KCNIP4: variants seen among roughly 807,000 people sequenced by gnomAD.
KCNIP4 encodes potassium voltage-gated channel interacting protein 4.
KCNIP4 carries 12 observed loss-of-function variants against 34.0 expected under a neutral mutation model. The observed-to-expected ratio is 0.35, with a 90% confidence interval of 0.23 to 0.57. KCNIP4 has a LOEUF of 0.57. Among genes scored for constraint, KCNIP4 ranks in the 20% least tolerant of loss-of-function variants. KCNIP4 has a pLI of 0.83. For missense variants in KCNIP4, 238 were observed against 311.7 expected (o/e 0.76, Z 1.78); for synonymous variants, 124 against 102.2 (o/e 1.21, Z -1.29).
intron 1 of KCNIP4, among the ~76,000 whole-genome samples, chr4:21,457,042 TCAG>T (rs1475741883): frequency 6.6e-6 from 1 of 152,014 alleles, no homozygotes; most frequent in Non-Finnish European, 1.5e-5. Context: ...CATATCCTCT[TCAG>T]TTGTGGAAAA....
intron 1 of KCNIP4, among the ~76,000 whole-genome samples, chr4:21,854,697 C>T (rs1724640490): frequency 6.6e-6 from 1 of 152,104 alleles, no homozygotes; most frequent in Non-Finnish European, 1.5e-5. Flanking sequence ...GAATTGACTC[C>T]TAAACCATAT....
intron 1 of KCNIP4, among the ~76,000 whole-genome samples, chr4:21,247,271 T>G (rs993855625): frequency 1.1e-4 from 17 of 152,080 alleles, no homozygotes; most frequent in Non-Finnish European, 2.9e-5. Flanking sequence ...ACTGTACATT[T>G]CTCATTGCTT....
chr4:21,852,084 T>C (rs914101354), intron 1 of KCNIP4: 24 of 152,000 alleles, frequency 1.6e-4, no homozygotes, highest in Admixed American at 1.4e-3. Flanking sequence ...TTCTGGGAGA[T>C]AATTTTCTAG....
chr4:21,757,173 AGGAAGGAAGGAAGGAAGGAAGG>A (rs1717651738), intron 1 of KCNIP4, among the ~76,000 whole-genome samples: 4 of 31,932 alleles, frequency 1.3e-4, no homozygotes, highest in Non-Finnish European at 1.8e-4. Context: ...GAAAGAAGGA[AGGAAGGAAGGAAGGAAGGAAGG>A]AAGGAAAGAA....
chr4:20,914,812 A>G (rs896140556), intron 1 of KCNIP4, among the ~76,000 whole-genome samples: 4 of 152,144 alleles, frequency 2.6e-5, no homozygotes, highest in Admixed American at 2.6e-4. Context: ...AACGATCCGA[A>G]CCCTAATTAG....
intron 1 of KCNIP4, among the ~76,000 whole-genome samples, chr4:21,462,614 T>C (rs1729556299): frequency 6.6e-6 from 1 of 152,118 alleles, no homozygotes; most frequent in South Asian, 2.1e-4. Context: ...ATCAGTGAGA[T>C]CAACGACTTT....
chr4:21,108,580 A>C (rs967685932), intron 1 of KCNIP4, among the ~76,000 whole-genome samples: 15 of 151,588 alleles, frequency 9.9e-5, no homozygotes, highest in African/African-American at 3.7e-4. Flanking sequence ...GATCATCTGA[A>C]GCCATCTTCT....
chr4:21,810,697 A>G, intron 1 of KCNIP4, among the ~76,000 whole-genome samples: 1 of 21,294 alleles, frequency 4.7e-5, no homozygotes, highest in African/African-American at 1.4e-4. Context: ...CTCAAAAAAA[A>G]AAAAAAAAAA....
chr4:20,870,423 C>T (rs1404845958), intron 2 of KCNIP4, among the ~76,000 whole-genome samples: 1 of 152,142 alleles, frequency 6.6e-6, no homozygotes, highest in African/African-American at 2.4e-5. Context: ...GCTTCCTTTA[C>T]AGCCTGTGCA....
chr4:20,802,587 G>T (rs1351830064), intron 3 of KCNIP4, among the ~76,000 whole-genome samples: 1 of 152,018 alleles, frequency 6.6e-6, no homozygotes, highest in Admixed American at 6.5e-5. Flanking sequence ...CTCCAAGATA[G>T]ACCATATTTT....
intron 3 of KCNIP4, among the ~76,000 whole-genome samples, chr4:20,820,569 C>G (rs1716978452): frequency 6.6e-6 from 1 of 152,128 alleles, no homozygotes; most frequent in African/African-American, 2.4e-5. Flanking sequence ...GAGGGAACAC[C>G]AGGGTGTGAT....
intron 1 of KCNIP4, among the ~76,000 whole-genome samples, chr4:21,238,426 G>C (rs1018498221): frequency 5.9e-5 from 9 of 152,198 alleles, no homozygotes; most frequent in African/African-American, 1.9e-4. Context: ...ATTAGGAAAA[G>C]AGGAAGTCAA....
chr4:20,900,436 G>C (rs555574868), intron 1 of KCNIP4, among the ~76,000 whole-genome samples: 1 of 152,286 alleles, frequency 6.6e-6, no homozygotes, highest in African/African-American at 2.4e-5. Context: ...CACGCACAAG[G>C]CCTAGCATTG....
chr4:21,884,357 G>A (rs1726638055), intron 1 of KCNIP4, among the ~76,000 whole-genome samples: 1 of 151,982 alleles, frequency 6.6e-6, no homozygotes, highest in South Asian at 2.1e-4. Flanking sequence ...AACCTCAGGA[G>A]GAGCACTTCC....
chr4:21,432,874 T>A (rs1363793016), intron 1 of KCNIP4, among the ~76,000 whole-genome samples: 1 of 152,176 alleles, frequency 6.6e-6, no homozygotes, highest in Non-Finnish European at 1.5e-5. Context: ...AGGCTGATTT[T>A]TTTTTTAGTA....
intron 1 of KCNIP4, among the ~76,000 whole-genome samples, chr4:21,395,585 G>C (rs183209406): frequency 3.3e-5 from 5 of 152,106 alleles, no homozygotes; most frequent in Admixed American, 2.6e-4. Context: ...ACAGACCTCA[G>C]AGAGCAAACT....
chr4:21,701,053 T>C (rs1039321092), intron 1 of KCNIP4, among the ~76,000 whole-genome samples: 4 of 152,164 alleles, frequency 2.6e-5, no homozygotes, highest in Admixed American at 6.6e-5. Flanking sequence ...TATATACACA[T>C]TGGAATAATA....
intron 1 of KCNIP4, among the ~76,000 whole-genome samples, chr4:21,691,299 C>G (rs1269863346): frequency 6.6e-6 from 1 of 152,118 alleles, no homozygotes. Flanking sequence ...TCCTAACAGG[C>G]CTCTGTGGGT....
chr4:21,055,343 T>A (rs984126759), intron 1 of KCNIP4, among the ~76,000 whole-genome samples: 8 of 152,156 alleles, frequency 5.3e-5, no homozygotes, highest in African/African-American at 1.9e-4. Flanking sequence ...GTACAACCAG[T>A]TTGGAAAACC....
Sources: gnomAD v4.1 joint callset for allele counts (sites outside exome capture counted in the v4.1 genomes callset) on GRCh38, gnomAD v4.1.1 for gene constraint, MANE v1.5 for transcripts, NCBI Gene and HGNC (gene_info 2026-07-23, HGNC 2026-07-21) for gene names.